The following FGGY variants were observed in gnomAD, a reference collection of about 807,000 sequenced individuals.
FGGY encodes FGGY carbohydrate kinase domain-containing protein.
FGGY carries 72 observed loss-of-function variants against 71.3 expected under a neutral mutation model. That is an observed-to-expected ratio of 1.01 (90% confidence interval 0.84 to 1.23). The LOEUF (loss-of-function observed/expected upper bound fraction) is 1.23. Ranked by LOEUF, FGGY falls within the 50% of genes most tolerant of loss-of-function variation. The pLI, the probability that FGGY is intolerant of heterozygous loss-of-function variation, is 0.00. For missense variants in FGGY, 668 were observed against 682.3 expected, an observed-to-expected ratio of 0.98 and a Z score of 0.23; for synonymous variants, 251 against 250.3, an observed-to-expected ratio of 1.00 and a Z score of -0.02.
intron 14 of FGGY, chr1:59,756,132 A>G (rs618922): frequency 0.89 from 135,238 of 152,236 alleles, 60,308 homozygotes; most frequent in African/African-American, 0.97. Context: ...GTGTTTGACC[A>G]TTTGGCCCTC....
chr1:59,380,604 G>A (rs1027567805), intron 5 of FGGY, among the ~76,000 whole-genome samples: 5 of 151,622 alleles, frequency 3.3e-5, no homozygotes, highest in African/African-American at 9.8e-5. Flanking sequence ...CTTTTGAGAA[G>A]TGTCTGTTCA....
At chr1:59,374,860 G>A (rs1350041739) in intron 4 of FGGY, among the ~76,000 whole-genome samples, 2 of 133,518 alleles carry the variant, frequency 1.5e-5, no homozygotes, top group Non-Finnish European at 3.1e-5. Context: ...TTGAACAATG[G>A]GAACACATGG....
At chr1:59,759,270 C>A (rs2098321678) in intron 15 of FGGY, among the ~76,000 whole-genome samples, 1 of 152,274 alleles carries the variant, frequency 6.6e-6, no homozygotes, top group South Asian at 2.1e-4. Flanking sequence ...TTTAACTCCA[C>A]ATAGAGTCAG....
chr1:59,434,165 A>G (rs1261145601), intron 5 of FGGY, among the ~76,000 whole-genome samples: 9 of 152,228 alleles, frequency 5.9e-5, no homozygotes, highest in Admixed American at 5.9e-4. Flanking sequence ...AGAAAACTCT[A>G]CAGTATCATT....
chr1:59,543,000 G>A (rs2095468433), intron 7 of FGGY, among the ~76,000 whole-genome samples: 1 of 152,158 alleles, frequency 6.6e-6, no homozygotes, highest in African/African-American at 2.4e-5. Flanking sequence ...AGGTGCAGAG[G>A]TGGAGAGGAG....
chr1:59,555,893 T>G (rs2095677828), intron 8 of FGGY, among the ~76,000 whole-genome samples: 1 of 152,120 alleles, frequency 6.6e-6, no homozygotes, highest in Non-Finnish European at 1.5e-5. Context: ...TCCAGCTGCT[T>G]GGGAGGCTGA....
At chr1:59,438,033 A>C (rs1300906560) in intron 5 of FGGY, among the ~76,000 whole-genome samples, 2 of 152,246 alleles carry the variant, frequency 1.3e-5, no homozygotes, top group African/African-American at 4.8e-5. Context: ...GGCAGGCTAA[A>C]GTGAAGAAAT....
At chr1:59,740,279 G>T (rs1326310813) in intron 14 of FGGY, among the ~76,000 whole-genome samples, 3 of 152,142 alleles carry the variant, frequency 2.0e-5, no homozygotes, top group African/African-American at 7.2e-5. Context: ...TTTCTACAAT[G>T]ACTATTATCA....
At chr1:59,661,463 T>G (rs941273564) in intron 12 of FGGY, among the ~76,000 whole-genome samples, 1 of 152,228 alleles carries the variant, frequency 6.6e-6, no homozygotes, top group Admixed American at 6.5e-5. Context: ...AGCAATTTTC[T>G]TATTGGTCTT....
intron 5 of FGGY, among the ~76,000 whole-genome samples, chr1:59,440,427 T>C (rs1312286005): frequency 6.6e-6 from 1 of 152,082 alleles, no homozygotes; most frequent in Non-Finnish European, 1.5e-5. Context: ...GCTTTGTTTG[T>C]TTTTAATATG....
chr1:59,695,616 G>GTT (rs1183459343), intron 14 of FGGY, among the ~76,000 whole-genome samples: 3 of 152,192 alleles, frequency 2.0e-5, no homozygotes, highest in Non-Finnish European at 4.4e-5. Context: ...TTACAAATGA[G>GTT]AAGTTGAGGC....
chr1:59,499,299 G>GTCTTTTTTTTTTT (rs2094145721), intron 6 of FGGY, among the ~76,000 whole-genome samples: 1 of 105,804 alleles, frequency 9.5e-6, no homozygotes, highest in South Asian at 3.0e-4. Flanking sequence ...TACTATGTTT[G>GTCTTTTTTTTTTT]TTTTTTTTTT....
intron 7 of FGGY, among the ~76,000 whole-genome samples, chr1:59,535,746 G>A (rs1198954627): frequency 1.0e-4 from 15 of 148,732 alleles, no homozygotes; most frequent in African/African-American, 3.0e-4. Context: ...GGTACATAAC[G>A]AAATGAAGGC....
chr1:59,631,263 C>T (rs527329728), intron 10 of FGGY, among the ~76,000 whole-genome samples: 1 of 152,182 alleles, frequency 6.6e-6, no homozygotes, highest in Non-Finnish European at 1.5e-5. Context: ...AGCTAGCTTC[C>T]TGGCCCTCTT....
chr1:59,573,340 G>A (rs1479283519), intron 8 of FGGY, among the ~76,000 whole-genome samples: 1 of 152,028 alleles, frequency 6.6e-6, no homozygotes, highest in East Asian at 1.9e-4. Context: ...GAATATCCTT[G>A]TTATTATAAA....
intron 11 of FGGY, among the ~76,000 whole-genome samples, chr1:59,659,000 T>C (rs1333862006): frequency 6.6e-6 from 1 of 152,060 alleles, no homozygotes; most frequent in African/African-American, 2.4e-5. Flanking sequence ...GGCAGGTGTA[T>C]CATATGAGGT....
intron 9 of FGGY, among the ~76,000 whole-genome samples, chr1:59,616,935 C>A (rs2096761579): frequency 6.6e-6 from 1 of 152,050 alleles, no homozygotes; most frequent in Non-Finnish European, 1.5e-5. Context: ...GTCTCCTCAC[C>A]CACCAGTGAT....
chr1:59,620,856 T>C lies in FGGY; in HGVS notation c.1012-5132T>C, dbSNP rs140904053. ...GTAGTTTGTGTGTGATATCTACATATGCTATAAACCCAATAATGAAATAGT... is the reference window on the plus strand; with the variant it reads ...GTAGTTTGTGTGTGATATCTACATACGCTATAAACCCAATAATGAAATAGT... On this transcript the variant is annotated intron_variant, in intron 9 of 15. Coordinates refer to ENST00000303721, the MANE Select transcript of FGGY (RefSeq NM_018291.5). Among the ~76,000 whole-genome samples the C allele has an allele frequency of 3.4e-3, 515 of 152,240 alleles. 4 individuals carry two copies. Among genetic ancestry groups the C allele is most frequent in the African/African-American group, 0.012 (492 of 41,554 alleles).
At chr1:59,486,587 G>T (rs1030000584) in intron 6 of FGGY, among the ~76,000 whole-genome samples, 2 of 152,128 alleles carry the variant, frequency 1.3e-5, no homozygotes, top group African/African-American at 4.8e-5. Context: ...AACACCGTCT[G>T]TGCTCCCCTG....
Sources: gnomAD v4.1 joint callset for allele counts (sites outside exome capture counted in the v4.1 genomes callset) on GRCh38, gnomAD v4.1.1 for gene constraint, MANE v1.5 for transcripts, NCBI Gene and HGNC (gene_info 2026-07-23, HGNC 2026-07-21) for gene names.